Variants in DNAJB1 observed in about 807,000 individuals in gnomAD.
DNAJB1 encodes the protein DnaJ heat shock protein family (Hsp40) member B1.
Under a neutral mutation model 24.0 loss-of-function variants are expected in DNAJB1, and 14 were observed. The ratio of observed to expected loss-of-function variants is 0.58; its 90% CI spans 0.39 to 0.91. DNAJB1 has a LOEUF of 0.91. Among genes scored for constraint, DNAJB1 ranks in the 40% least tolerant of loss-of-function variants. The pLI, the probability that DNAJB1 is intolerant of heterozygous loss-of-function variation, is 0.00. For missense variants in DNAJB1, 517 were observed against 458.1 expected (o/e 1.13, Z -1.17); for synonymous variants, 262 against 174.4 (o/e 1.50, Z -3.96).
chr19:14,518,516 C>G, upstream of DNAJB1: 1 of 494,242 alleles, frequency 2.0e-6, no homozygotes, highest in Non-Finnish European at 3.2e-6. Context: ...CGCCGCCGCC[C>G]TTTCAGCGAC....
intron 1 of DNAJB1, among the ~76,000 whole-genome samples, chr19:14,541,716 C>T (rs942724808): frequency 2.6e-5 from 4 of 151,726 alleles, no homozygotes; most frequent in African/African-American, 4.8e-5. Flanking sequence ...ATATGTCCCA[C>T]GTTGAGGGAT....
At chr19:14,529,183 T>C in intron 1 of DNAJB1, 1 of 235,188 alleles carries the variant, frequency 4.3e-6, no homozygotes, top group South Asian at 4.7e-5. Flanking sequence ...CTCCTGCTGT[T>C]CCCGGTGTAC....
chr19:14,552,772 G>A (rs2073578733), upstream of DNAJB1, among the ~76,000 whole-genome samples: 7 of 151,842 alleles, frequency 4.6e-5, no homozygotes, highest in South Asian at 2.1e-4. Flanking sequence ...TCCTGACCTC[G>A]TGATCCACCC....
At chr19:14,522,550 G>C (rs1162793827), upstream of DNAJB1, among the ~76,000 whole-genome samples, 5 of 148,484 alleles carry the variant, frequency 3.4e-5, no homozygotes, top group East Asian at 9.8e-4. Context: ...GGCAGAAAAA[G>C]CATCAGCTCC....
At chr19:14,529,648 C>G (rs377238588), upstream of DNAJB1, 1 of 1,613,710 alleles carries the variant, frequency 6.2e-7, no homozygotes, top group East Asian at 2.2e-5. Context: ...CTGTGCCGCG[C>G]AGTTAGGCAG....
At position 14,516,658 on chromosome 19, in the gene DNAJB1, T is replaced by C. The variant is rs757856478; in HGVS notation, c.600A>G (p.Glu200=). 1.9e-6 allele frequency: 3 copies of C among 1,614,240 alleles called. No homozygotes were observed. The Admixed American group carries it at 5.0e-5, about 27-fold the overall frequency. Residue 200 remains glutamate (E), a synonymous_variant, in exon 2 of 3, where the codon GAA becomes GAG. Coordinates refer to ENST00000254322, the MANE Select transcript of DNAJB1 (RefSeq NM_006145.3). The stretch of plus-strand genomic sequence containing the variant: ...TCACTTCGATGGTCAATATTTTGTC[T>C]TCGTTTCGAATGCTCTTTCCGTCGG... ...LNPDGKSIRN[E]DKILTIEVKK...
chr19:14,516,642 T>C lies in DNAJB1; in HGVS notation c.616A>G (p.Ile206Val). The C allele has an allele frequency of 6.2e-7, 1 of 1,614,224 alleles. No homozygotes were observed. Among genetic ancestry groups the C allele is most frequent in the Non-Finnish European group, 8.5e-7 (1 of 1,180,038 alleles). The change falls in exon 2 of 3, where the codon ATC (isoleucine) becomes GTC (valine). Residue 206 changes from isoleucine to valine, a missense_variant. Ile to Val is a conservative substitution (Grantham distance 29). Coordinates refer to ENST00000254322, the MANE Select transcript of DNAJB1 (RefSeq NM_006145.3). ...TCTTTCCACCCCTTCTTCACTTCGA[T>C]GGTCAATATTTTGTCTTCGTTTCGA... ...SIRNEDKILT[I>V]EVKKGWKEGT...
At chr19:14,546,972 G>T (rs1283728020) in intron 1 of DNAJB1, among the ~76,000 whole-genome samples, 2 of 152,144 alleles carry the variant, frequency 1.3e-5, no homozygotes, top group African/African-American at 4.8e-5. Context: ...TGGGATTACA[G>T]GCATGAGCCA....
upstream of DNAJB1, chr19:14,529,914 C>G: frequency 1.4e-6 from 1 of 739,740 alleles, no homozygotes; most frequent in Non-Finnish European, 2.3e-6. Flanking sequence ...AATCTGCAAC[C>G]CAGGCTGTTT....
chr19:14,542,615 G>A (rs2146578474), intron 1 of DNAJB1, among the ~76,000 whole-genome samples: 1 of 152,160 alleles, frequency 6.6e-6, no homozygotes, highest in African/African-American at 2.4e-5. Context: ...ACACGCTTTG[G>A]CCTCCCAAAG....
rs141521828 is a variant in DNAJB1, at chr19:14,557,135, T to G, written c.-2165-2817A>C. The stretch of plus-strand genomic sequence containing the variant: ...TAATCTTATTTATTTATTTATTTAT[T>G]TATTTATTTATTTATTTATTTTGAG... On this transcript the variant is annotated intron_variant, in intron 1 of 5. Transcript: ENST00000679223. Among the ~76,000 whole-genome samples the G allele has an allele frequency of 4.8e-3, 612 of 127,312 alleles. 4 individuals are homozygous for G. Among genetic ancestry groups the G allele is most frequent in the African/African-American group, 0.016 (499 of 30,388 alleles). The allele number at this position is 127,312 out of a possible 152,430, so 83.5% of individuals were successfully genotyped here.
chr19:14,534,623 A>G (rs1175063334), upstream of DNAJB1, among the ~76,000 whole-genome samples: 1 of 151,662 alleles, frequency 6.6e-6, no homozygotes, highest in East Asian at 1.9e-4. Flanking sequence ...TTTAGTAGAG[A>G]TGGGGTTTCA....
chr19:14,552,737 T>C (rs1459104080), upstream of DNAJB1, among the ~76,000 whole-genome samples: 3 of 151,736 alleles, frequency 2.0e-5, no homozygotes, highest in African/African-American at 4.8e-5. Flanking sequence ...GGGGTTTCAC[T>C]GTGTTAGCCA....
intron 1 of DNAJB1, among the ~76,000 whole-genome samples, chr19:14,542,296 T>C (rs7255730): frequency 0.22 from 32,344 of 147,636 alleles, 3,783 homozygotes; most frequent in South Asian, 0.41. Flanking sequence ...AAAGATTCCC[T>C]ATTGGAGGGC....
At chr19:14,518,931 G>C (rs892933073), upstream of DNAJB1, among the ~76,000 whole-genome samples, 2 of 152,216 alleles carry the variant, frequency 1.3e-5, no homozygotes, top group Non-Finnish European at 2.9e-5. Context: ...TCTACAACAT[G>C]GCAATAAGAG....
chr19:14,538,722 G>A lies in DNAJB1; in HGVS notation c.-213-10912C>T, dbSNP rs1257480169. Among the ~76,000 whole-genome samples, 4 of 150,884 alleles carry A rather than the reference G, an allele frequency of 2.7e-5. No individual in the cohort carries two copies. In the East Asian group the frequency reaches 7.8e-4, roughly 30 times the overall value. ...TAATTTTTGTATTTTTAGTAGAGAC[G>A]GGGTTTCAGCATCTTGGCCAGGCTG... is the stretch of plus-strand genomic sequence containing the variant. On this transcript the variant is annotated intron_variant, in intron 1 of 3. Transcript: ENST00000676982.
chr19:14,555,554 T>C lies in DNAJB1; in HGVS notation c.-2165-1236A>G, dbSNP rs368256078. On this transcript the variant is annotated intron_variant, in intron 1 of 5. Coordinates refer to the DNAJB1 transcript ENST00000679223. ...TCCATCTCCTGGGTTTAAGTGATTCTTGTGCCTCAGCCTCCCAAGTGGCTG... is the reference window on the plus strand; with the variant it reads ...TCCATCTCCTGGGTTTAAGTGATTCCTGTGCCTCAGCCTCCCAAGTGGCTG... 1.1e-3 allele frequency among the ~76,000 whole-genome samples: 171 copies of C among 151,726 alleles called. 1 individual carries two copies. The highest frequency in any genetic ancestry group is 4.1e-3 in the African/African-American group (169 of 41,352).
chr19:14,517,995 G>A (rs2072304886), intron 1 of DNAJB1, 144 bp downstream of exon 1: 8 of 898,040 alleles, frequency 8.9e-6, no homozygotes, highest in East Asian at 3.3e-5. Flanking sequence ...ATCCGAGGGC[G>A]GAGGCCCGCG....
chr19:14,551,072 A>AT (rs1163481758), upstream of DNAJB1, among the ~76,000 whole-genome samples: 13 of 148,524 alleles, frequency 8.8e-5, no homozygotes, highest in African/African-American at 2.7e-4. Context: ...CAAAGACACT[A>AT]TTTTTTTTTC....
Sources: allele counts gnomAD v4.1 joint callset (sites outside exome capture counted in the v4.1 genomes callset), GRCh38; gene constraint gnomAD v4.1.1; transcripts MANE v1.5; gene names NCBI Gene and HGNC (gene_info 2026-07-23, HGNC 2026-07-21).